VSX1: variants seen among roughly 807,000 people sequenced by gnomAD.
VSX1 encodes the protein visual system homeobox 1, also known as homeodomain protein RINX.
In VSX1, 23 loss-of-function variants were observed where a neutral mutation model predicts 23.6. The observed-to-expected ratio is 0.97, with a 90% CI of 0.70 to 1.38. VSX1 has a LOEUF of 1.38. VSX1 is among the 40% of genes most tolerant of loss of function. The pLI is 0.00. For missense variants in VSX1, 517 were observed against 495.4 expected, an observed-to-expected ratio of 1.04 and a Z score of -0.41; for synonymous variants, 247 against 215.1, an observed-to-expected ratio of 1.15 and a Z score of -1.30.
downstream of VSX1, chr20:25,071,573 T>A (rs1276875184): frequency 4.2e-6 from 2 of 474,178 alleles, no homozygotes; most frequent in South Asian, 1.5e-5. Flanking sequence ...TTTCAACAGA[T>A]AATCTTGAGT....
chr20:25,079,537 A>G (rs773853932), intron 1 of VSX1, 23 bp from the exon 2 acceptor site: 1 of 1,599,006 alleles, frequency 6.3e-7, no homozygotes, highest in South Asian at 1.1e-5. Flanking sequence ...AAAGAAGAAG[A>G]GGACTTTAAG....
chr20:25,081,839 A>C lies in VSX1; in HGVS notation c.258T>G (p.Cys86Trp). 1.3e-6 allele frequency: 2 copies of C among 1,517,296 alleles called. No individual in the cohort carries two copies. Among genetic ancestry groups the C allele is most frequent in the South Asian group, 2.4e-5 (2 of 82,556 alleles). The allele number at this position is 1,517,296 out of a possible 1,614,324, so 94.0% of individuals were successfully genotyped here. A position where few individuals can be genotyped will look rare whatever the true frequency, so the allele number is the denominator to read the frequency against. ...CCGCCGGCGGCTGCGTGCCGAAGCC[A>C]CAGAGGAGGCCGAGTCCCAGCGGTA... is the stretch of plus-strand genomic sequence containing the variant. Reference protein sequence around the residue: ...GALPLGLGLLCGFGTQPPAAA... With the variant: ...GALPLGLGLLWGFGTQPPAAA... Residue 86 changes from cysteine (C) to tryptophan (W), a missense_variant, in exon 1 of 5, where the codon TGT (cysteine) becomes TGG (tryptophan). Transcript: ENST00000376709.
intron 1 of VSX1, among the ~76,000 whole-genome samples, chr20:25,079,933 C>A (rs1001758379): frequency 1.3e-5 from 2 of 152,098 alleles, no homozygotes; most frequent in Admixed American, 1.3e-4. Flanking sequence ...CACCCCTATG[C>A]CCCCAGCCTC....
intron 3 of VSX1, chr20:25,078,566 G>A: frequency 1.8e-6 from 2 of 1,140,854 alleles, no homozygotes; most frequent in Non-Finnish European, 1.1e-6. Flanking sequence ...TTTTTTCATT[G>A]ACATATCTTT....
intron 4 of VSX1, among the ~76,000 whole-genome samples, chr20:25,077,127 C>T (rs1443297361): frequency 1.3e-5 from 2 of 152,168 alleles, no homozygotes; most frequent in African/African-American, 2.4e-5. Flanking sequence ...TGGTTTCTGG[C>T]GACAGCAAAC....
At position 25,081,923 on chromosome 20, in the gene VSX1, C is replaced by T. The variant is rs141241716; in HGVS notation, c.174G>A (p.Pro58=). 21 of 1,530,662 alleles carry T rather than the reference C, an allele frequency of 1.4e-5. No homozygotes were observed. The South Asian group carries it at 1.8e-4, about 13-fold the overall frequency. The allele number at this position is 1,530,662 out of a possible 1,614,324, so 94.8% of individuals were successfully genotyped here. A position where few individuals can be genotyped will look rare whatever the true frequency, so the allele number is the denominator to read the frequency against. Residue 58 remains proline (P), a synonymous_variant, in exon 1 of 5, where the codon CCG becomes CCA. Coordinates refer to ENST00000376709, the MANE Select transcript of VSX1 (RefSeq NM_014588.6). The part of the protein sequence containing the change: ...GPGQGSGCEG[P]AVAPCPGPGL... ...CCGGGCCCGGGCACGGCGCGACTGC[C>T]GGACCCTCGCAGCCAGATCCCTGTC...
At position 25,081,923 on chromosome 20, in the gene VSX1, C is replaced by CG; in HGVS notation, c.173dup (p.Ala59GlyfsTer11). ...CCGGGCCCGGGCACGGCGCGACTGC[C>CG]GGACCCTCGCAGCCAGATCCCTGTC... On this transcript the variant is annotated frameshift_variant, in exon 1 of 5. Coordinates refer to ENST00000376709, the MANE Select transcript of VSX1 (RefSeq NM_014588.6). LOFTEE classifies it high-confidence loss of function. 1 of 1,530,660 alleles carries CG rather than the reference C, an allele frequency of 6.5e-7. No individual in the cohort carries two copies. The allele number at this position is 1,530,660 out of a possible 1,614,324, so 94.8% of individuals were successfully genotyped here. A position where few individuals can be genotyped will look rare whatever the true frequency, so the allele number is the denominator to read the frequency against.
chr20:25,081,468 G>T (rs778228911), intron 1 of VSX1: 2 of 857,102 alleles, frequency 2.3e-6, no homozygotes, highest in South Asian at 1.3e-5. Context: ...CAGGACCCCG[G>T]ATGAGAGGCA....
intron 3 of VSX1, 129 bp from the exon 4 acceptor site, chr20:25,077,994 G>C (rs973760427): frequency 7.7e-7 from 1 of 1,300,386 alleles, no homozygotes; most frequent in Admixed American, 2.0e-5. Context: ...ATTTCTGAAG[G>C]AAATAGCTCC....
chr20:25,076,660 C>G, intron 4 of VSX1, 110 bp from the exon 5 acceptor site: 1 of 1,295,914 alleles, frequency 7.7e-7, no homozygotes. Flanking sequence ...TTGTCCTTGT[C>G]AGTGCCTATC....
At position 25,078,770 on chromosome 20, in the gene VSX1, T is replaced by A. The variant is rs562912096; in HGVS notation, c.627+59A>T. The A allele has an allele frequency of 9.3e-6, 15 of 1,614,134 alleles. No individual in the cohort carries two copies. The South Asian group carries it at 1.4e-4, about 15-fold the overall frequency. ...AGGGACTGCTGATTGGCTCACTGAA[T>A]GTGGGAATGACACGTTCTCTGTGGT... is the stretch of plus-strand genomic sequence containing the variant. On this transcript the variant is annotated intron_variant, in intron 3 of 4. Coordinates refer to ENST00000376709, the MANE Select transcript of VSX1 (RefSeq NM_014588.6).
chr20:25,071,841 A>G, downstream of VSX1: 1 of 714,632 alleles, frequency 1.4e-6, no homozygotes, highest in South Asian at 1.5e-5. Context: ...TGACACAGGA[A>G]AATCGGCATG....
chr20:25,078,010 G>T, intron 3 of VSX1, 145 bp from the exon 4 acceptor site: 2 of 1,143,940 alleles, frequency 1.7e-6, no homozygotes, highest in East Asian at 2.6e-5. Context: ...GCTCCCGAGG[G>T]CCAACCAGCC....
intron 4 of VSX1, among the ~76,000 whole-genome samples, 181 bp downstream of exon 4, chr20:25,077,504 C>G (rs780461535): frequency 2.6e-5 from 4 of 152,230 alleles, no homozygotes; most frequent in Non-Finnish European, 5.9e-5. Flanking sequence ...AAAAATGAGG[C>G]AACCATCCAG....
downstream of VSX1, chr20:25,072,550 G>A (rs1416022094): frequency 6.4e-6 from 3 of 470,972 alleles, no homozygotes; most frequent in Admixed American, 2.4e-5. Context: ...TTCTTTAAGG[G>A]TGTTTTCCCG....
At chr20:25,079,564 C>G (rs1302614178) in intron 1 of VSX1, 50 bp from the exon 2 acceptor site, 1 of 1,542,736 alleles carries the variant, frequency 6.5e-7, no homozygotes, top group Non-Finnish European at 8.9e-7. Context: ...CATATCCCCT[C>G]TATTTCCTGG....
chr20:25,081,508 G>T, intron 1 of VSX1, 165 bp downstream of exon 1: 1 of 1,044,990 alleles, frequency 9.6e-7, no homozygotes, highest in Non-Finnish European at 1.5e-6. Context: ...GGGGCAGGCG[G>T]CGCAGCTCCG....
Position 25,079,445 on chromosome 20 carries a change from C to G in VSX1, c.494G>C (p.Arg165Pro). 1 of 1,612,020 alleles carries G rather than the reference C, an allele frequency of 6.2e-7. No homozygotes were observed. The highest frequency in any genetic ancestry group is 2.2e-5 in the East Asian group (1 of 44,870). The change falls in exon 2 of 5, where the codon CGG (arginine) becomes CCG (proline). Residue 165 changes from arginine (R) to proline (P), a missense_variant. Arg to Pro is a moderately radical substitution (Grantham distance 103). Coordinates refer to ENST00000376709, the MANE Select transcript of VSX1 (RefSeq NM_014588.6). The part of the protein sequence containing the change: ...ASPTLGKRKK[R>P]RHRTVFTAHQ... ...CTGCCTGGCCCTATACCTGTGCCGCCGCTTCTTCCTCTTGCCCAAGGTGGG... is the reference window on the plus strand; with the variant it reads ...CTGCCTGGCCCTATACCTGTGCCGCGGCTTCTTCCTCTTGCCCAAGGTGGG...
downstream of VSX1, chr20:25,071,823 A>G (rs916344411): frequency 5.6e-6 from 4 of 712,226 alleles, no homozygotes; most frequent in African/African-American, 7.0e-5. Context: ...AGCAGTGATC[A>G]TCAAGGATGA....
Sources: allele counts gnomAD v4.1 joint callset (sites outside exome capture counted in the v4.1 genomes callset), GRCh38; gene constraint gnomAD v4.1.1; transcripts MANE v1.5; gene names NCBI Gene and HGNC (gene_info 2026-07-23, HGNC 2026-07-21).